The following HPS3 variants were observed in gnomAD, a reference collection of about 807,000 sequenced individuals.
HPS3 encodes the protein BLOC-2 complex member HPS3.
A neutral mutation model predicts 110.9 loss-of-function variants in HPS3; 79 were observed. That is an observed-to-expected ratio of 0.71 (90% CI 0.59 to 0.86). The LOEUF (loss-of-function observed/expected upper bound fraction) is 0.86, where lower values mean the gene tolerates loss of function less well. HPS3 is among the 40% of genes least tolerant of loss of function. The pLI, the probability that HPS3 is intolerant of heterozygous loss-of-function variation, is 0.00. For missense variants in HPS3, 1,197 were observed against 1,206.2 expected (o/e 0.99, Z 0.11); for synonymous variants, 428 against 451.0 (o/e 0.95, Z 0.65).
At chr3:149,140,647 C>A in intron 2 of HPS3, 149 bp downstream of exon 2, 1 of 855,022 alleles carries the variant, frequency 1.2e-6, no homozygotes, top group Non-Finnish European at 1.8e-6. Flanking sequence ...GTTTTATGAT[C>A]TGGCTGTCCA....
In HPS3 at chr3:149,147,325, C is replaced by T. The variant is rs369190482; in HGVS notation, c.1163+1779C>T. 3.2e-4 allele frequency among the ~76,000 whole-genome samples: 48 copies of T among 151,254 alleles called. 1 individual carries two copies. The highest frequency in any genetic ancestry group is 1.0e-3 in the African/African-American group (42 of 41,244). On this transcript the variant is annotated intron_variant, in intron 5 of 16. Transcript: ENST00000296051. The stretch of plus-strand genomic sequence containing the variant: ...GAGGAAAGCTTAGAAGTTTTACTAC[C>T]GCCAAAAAAAAAGTTGATTATTAAA...
At chr3:149,157,268 A>G in intron 8 of HPS3, 82 bp from the exon 9 acceptor site, 1 of 1,221,346 alleles carries the variant, frequency 8.2e-7, no homozygotes, top group South Asian at 1.3e-5. Flanking sequence ...CTTTACTAAC[A>G]AAATATATAA....
At chr3:149,135,756 C>G (rs978370256) in intron 1 of HPS3, among the ~76,000 whole-genome samples, 8 of 152,016 alleles carry the variant, frequency 5.3e-5, no homozygotes, top group African/African-American at 1.9e-4. Flanking sequence ...TGGTGGTAGA[C>G]ACTTGTTTAT....
rs200726828 is a variant in HPS3 at position 149,140,194 on chromosome 3, C to T, written c.408C>T (p.Pro136=). ...YIIEMPLSEA[P]LCISCCPVKG... is the part of the protein sequence containing the mutation. The stretch of plus-strand genomic sequence containing the variant: ...TTGAAATGCCGCTTTCGGAGGCCCC[C>T]TTGTGCATTTCCTGTTGCCCTGTGA... The change falls in exon 2 of 17, where the codon CCC becomes CCT. Residue 136 remains proline (P), a synonymous_variant. Coordinates refer to ENST00000296051, the MANE Select transcript of HPS3 (RefSeq NM_032383.5). The T allele has an allele frequency of 2.5e-6, 4 of 1,614,174 alleles. No homozygotes were observed. Among genetic ancestry groups the T allele is most frequent in the Non-Finnish European group, 3.4e-6 (4 of 1,180,010 alleles).
intron 6 of HPS3, 124 bp downstream of exon 6, chr3:149,150,804 T>C: frequency 1.3e-6 from 1 of 782,412 alleles, no homozygotes; most frequent in Non-Finnish European, 2.3e-6. Context: ...TCTAATGTAT[T>C]GAATTAGAAC....
intron 4 of HPS3, 32 bp from the exon 5 acceptor site, chr3:149,145,322 T>C (rs1240556691): frequency 6.7e-7 from 1 of 1,483,080 alleles, no homozygotes; most frequent in Non-Finnish European, 9.4e-7. Context: ...ACTGGTTTCA[T>C]GGTGTTTTAT....
At chr3:149,170,337 CATTTAGGT>C (rs144468960) in intron 16 of HPS3, 6 of 152,298 alleles carry the variant, frequency 3.9e-5, no homozygotes, top group African/African-American at 1.4e-4. Flanking sequence ...ACAGGCTCCA[CATTTAGGT>C]AAGTAAACTG....
intron 1 of HPS3, among the ~76,000 whole-genome samples, chr3:149,137,996 AAAATT>A (rs2108124988): frequency 6.6e-6 from 1 of 151,476 alleles, no homozygotes; most frequent in South Asian, 2.1e-4. Context: ...TACAATAAAA[AAAATT>A]TATTTATTTA....
At position 149,129,769 on chromosome 3, in the gene HPS3, G is replaced by A; in HGVS notation, c.46G>A (p.Val16Met). Residue 16 changes from valine to methionine, a missense_variant, in exon 1 of 17, where the codon GTG becomes ATG. By Grantham distance (21) the Val-to-Met change is conservative. Coordinates refer to ENST00000296051, the MANE Select transcript of HPS3 (RefSeq NM_032383.5). Reference sequence around the variant, plus strand: ...GCACCCGTTCGGGTCGCAGCAGGTGGTGCCCTGCAAGCTGGAGCCGGACCG... The same window carrying A: ...GCACCCGTTCGGGTCGCAGCAGGTGATGCCCTGCAAGCTGGAGCCGGACCG... ...NLHPFGSQQV[V>M]PCKLEPDRFC... The A allele has an allele frequency of 6.2e-7, 1 of 1,608,078 alleles. No homozygotes were observed.
chr3:149,161,938 T>G (rs1171861892), intron 11 of HPS3, among the ~76,000 whole-genome samples: 1 of 152,198 alleles, frequency 6.6e-6, no homozygotes, highest in Non-Finnish European at 1.5e-5. Context: ...TAGGACACCT[T>G]GATTCTTAGT....
chr3:149,139,844 A>C (rs773129135), intron 1 of HPS3, among the ~76,000 whole-genome samples, 160 bp from the exon 2 acceptor site: 13 of 152,244 alleles, frequency 8.5e-5, no homozygotes, highest in Non-Finnish European at 1.8e-4. Context: ...GCCTAATGTC[A>C]GTCAAAAATA....
At chr3:149,162,560 C>T in intron 12 of HPS3, 130 bp from the exon 13 acceptor site, 1 of 1,121,214 alleles carries the variant, frequency 8.9e-7, no homozygotes, top group Non-Finnish European at 1.3e-6. Flanking sequence ...TTTGCTTTTG[C>T]CATGGCGCTA....
chr3:149,144,647 A>G (rs1196700521), intron 4 of HPS3, among the ~76,000 whole-genome samples: 1 of 152,180 alleles, frequency 6.6e-6, no homozygotes, highest in African/African-American at 2.4e-5. Flanking sequence ...TGCTAAGTGA[A>G]TCCTTACGTG....
Position 149,173,598 on chromosome 3 carries a change from GTCT to G in HPS3, c.*1381_*1383del. ...AAATGTACAAAGTTGTATGCTTCCA[GTCT>G]TCTTTTAATGTTTATAGTCATTCCA... On this transcript the variant is annotated 3_prime_UTR_variant, in exon 17 of 17. Coordinates refer to ENST00000296051, the MANE Select transcript of HPS3 (RefSeq NM_032383.5). 1 of 726,228 alleles carries G rather than the reference GTCT, an allele frequency of 1.4e-6. No homozygotes were observed. Among genetic ancestry groups the G allele is most frequent in the Non-Finnish European group, 2.3e-6 (1 of 434,958 alleles). 45.0% of individuals were successfully genotyped at this position (726,228 alleles called of 1,614,324 possible).
chr3:149,167,727 G>A (rs1008446299), intron 15 of HPS3, among the ~76,000 whole-genome samples, 166 bp from the exon 16 acceptor site: 1 of 152,132 alleles, frequency 6.6e-6, no homozygotes, highest in Non-Finnish European at 1.5e-5. Flanking sequence ...TATAGTTAAG[G>A]CAGAAGACTG....
rs146032252 is a variant in HPS3 at position 149,166,769 on chromosome 3, A to G, written c.2590-265A>G. Among the ~76,000 whole-genome samples, 31 of 152,306 alleles carry G rather than the reference A, an allele frequency of 2.0e-4. No individual in the cohort carries two copies. The East Asian group carries it at 6.0e-3, about 29-fold the overall frequency. On this transcript the variant is annotated intron_variant, in intron 14 of 16. Coordinates refer to ENST00000296051, the MANE Select transcript of HPS3 (RefSeq NM_032383.5). ...TCCTAAAGAATGCCCATTGGTTTTA[A>G]TTTGCAGTCCACACAAAGCAAATAA... is the stretch of plus-strand genomic sequence containing the variant.
chr3:149,172,378 G>A lies in HPS3; in HGVS notation c.*156G>A. ...CACATATATGATACAAATGCTTTCA[G>A]GCTGCTTACCTTACCGTGTAGTGGT... On this transcript the variant is annotated 3_prime_UTR_variant, in exon 17 of 17. Coordinates refer to ENST00000296051, the MANE Select transcript of HPS3 (RefSeq NM_032383.5). The A allele has an allele frequency of 1.6e-6, 1 of 616,858 alleles. No individual in the cohort carries two copies. The highest frequency in any genetic ancestry group is 2.9e-6 in the Non-Finnish European group (1 of 350,094). 38.2% of individuals were successfully genotyped at this position (616,858 alleles called of 1,614,324 possible).
At chr3:149,162,928 C>T (rs370942238) in intron 13 of HPS3, 50 bp downstream of exon 13, 12 of 1,355,976 alleles carry the variant, frequency 8.8e-6, no homozygotes, top group African/African-American at 5.8e-5. Flanking sequence ...TTGCCCATTA[C>T]AAAAACATAC....
chr3:149,136,806 A>G (rs1432438074), intron 1 of HPS3, among the ~76,000 whole-genome samples: 1 of 152,230 alleles, frequency 6.6e-6, no homozygotes, highest in African/African-American at 2.4e-5. Context: ...TACAATTTGC[A>G]TACTATAAAC....
Sources: allele counts gnomAD v4.1 joint callset (sites outside exome capture counted in the v4.1 genomes callset), GRCh38; gene constraint gnomAD v4.1.1; transcripts MANE v1.5; gene names NCBI Gene and HGNC (gene_info 2026-07-23, HGNC 2026-07-21).